Variants in MEGF11 observed in about 807,000 individuals in gnomAD.
The protein encoded by MEGF11 is multiple epidermal growth factor-like domains protein 11.
In MEGF11, 126 loss-of-function variants were observed where a neutral mutation model predicts 146.6. That is an observed-to-expected ratio of 0.86 (90% confidence interval 0.74 to 1.00). MEGF11 has a LOEUF of 1.00. MEGF11 is among the 50% of genes least tolerant of loss of function. The pLI is 0.00. For missense variants in MEGF11, 1,509 were observed against 1,521.2 expected, an observed-to-expected ratio of 0.99 and a Z score of 0.13; for synonymous variants, 532 against 583.4, an observed-to-expected ratio of 0.91 and a Z score of 1.27.
intron 5 of MEGF11, among the ~76,000 whole-genome samples, chr15:66,086,409 C>CAG (rs1428428058): frequency 1.3e-5 from 2 of 152,168 alleles, no homozygotes; most frequent in Non-Finnish European, 2.9e-5. Flanking sequence ...GGCTGTGAGA[C>CAG]AGAAGCACCA....
At chr15:66,034,220 A>G (rs1410939553) in intron 5 of MEGF11, among the ~76,000 whole-genome samples, 1 of 152,132 alleles carries the variant, frequency 6.6e-6, no homozygotes, top group African/African-American at 2.4e-5. Context: ...AGCTGGAGGG[A>G]ATTTACCTCA....
At chr15:65,974,298 G>T (rs2081384157) in intron 7 of MEGF11, among the ~76,000 whole-genome samples, 1 of 152,060 alleles carries the variant, frequency 6.6e-6, no homozygotes. Flanking sequence ...GGAGGGGAGG[G>T]AGGAGTGAAG....
At chr15:66,235,192 C>T (rs1531497) in intron 1 of MEGF11, among the ~76,000 whole-genome samples, 142,958 of 152,278 alleles carry the variant, frequency 0.94, 67,411 homozygotes, top group Non-Finnish European at 0.98. Context: ...ATTAGGGAGC[C>T]GATTAAAGCA....
intron 5 of MEGF11, among the ~76,000 whole-genome samples, chr15:66,025,806 G>T (rs2083310359): frequency 6.6e-6 from 1 of 152,164 alleles, no homozygotes; most frequent in Non-Finnish European, 1.5e-5. Flanking sequence ...CCCAGGACCT[G>T]CTTCCCAAGC....
At chr15:66,145,679 AC>A (rs996283004) in intron 1 of MEGF11, among the ~76,000 whole-genome samples, 1 of 152,168 alleles carries the variant, frequency 6.6e-6, no homozygotes, top group African/African-American at 2.4e-5. Flanking sequence ...GAGCACACAC[AC>A]TTTGCTGGGT....
At chr15:65,926,400 A>G (rs1480633541) in intron 13 of MEGF11, among the ~76,000 whole-genome samples, 1 of 152,236 alleles carries the variant, frequency 6.6e-6, no homozygotes, top group Non-Finnish European at 1.5e-5. Context: ...TATTTCAGTA[A>G]ACATTTAATA....
intron 23 of MEGF11, among the ~76,000 whole-genome samples, chr15:65,908,095 C>T (rs2078684956): frequency 6.6e-6 from 1 of 152,118 alleles, no homozygotes; most frequent in Non-Finnish European, 1.5e-5. Flanking sequence ...TAGATACTGT[C>T]CAGGGGACCC....
chr15:65,955,210 A>G (rs552057336), intron 10 of MEGF11, among the ~76,000 whole-genome samples: 7 of 152,118 alleles, frequency 4.6e-5, no homozygotes, highest in Non-Finnish European at 8.8e-5. Context: ...ATCCCAAACA[A>G]TTATTCTCTC....
intron 20 of MEGF11, chr15:65,912,406 CTGCAGCA>C (rs1367056301): frequency 2.8e-6 from 1 of 362,102 alleles, no homozygotes; most frequent in Non-Finnish European, 4.9e-6. Context: ...CTGGTCCTCC[CTGCAGCA>C]TGCAGAATGC....
chr15:66,111,221 C>T (rs2087384274), intron 4 of MEGF11, among the ~76,000 whole-genome samples: 1 of 152,152 alleles, frequency 6.6e-6, no homozygotes, highest in Admixed American at 6.5e-5. Flanking sequence ...GCTAAACCAC[C>T]AGACATTACA....
chr15:66,189,339 G>A (rs2090808063), intron 1 of MEGF11, among the ~76,000 whole-genome samples: 1 of 152,064 alleles, frequency 6.6e-6, no homozygotes, highest in Non-Finnish European at 1.5e-5. Context: ...GCGGGAAGGG[G>A]ACATGTAATA....
chr15:65,922,394 T>C lies in MEGF11; in HGVS notation c.1901A>G (p.His634Arg), dbSNP rs767811938. The change falls in exon 15 of 26, where the codon CAC becomes CGC. Residue 634 changes from histidine (H) to arginine (R), a missense_variant. Transcript: ENST00000395614. ...GAGGCACTCACAGATGCCGCTGATG[T>C]GGTGGCAGGGCCTGCTGCTGTGCAC... Reference protein sequence around the residue: ...LCVHSSRPCHHISGICECLPG... With the variant: ...LCVHSSRPCHRISGICECLPG... 6.2e-7 allele frequency: 1 copy of C among 1,600,224 alleles called. No homozygotes were observed. Among genetic ancestry groups the C allele is most frequent in the Non-Finnish European group, 8.5e-7 (1 of 1,173,770 alleles).
At chr15:66,096,660 G>A (rs2086567949) in intron 4 of MEGF11, among the ~76,000 whole-genome samples, 1 of 152,334 alleles carries the variant, frequency 6.6e-6, no homozygotes, top group South Asian at 2.1e-4. Flanking sequence ...GACAGAGGGT[G>A]GAGGAGCTGC....
intron 1 of MEGF11, among the ~76,000 whole-genome samples, chr15:66,197,233 T>G (rs1036082515): frequency 6.6e-5 from 10 of 152,236 alleles, no homozygotes; most frequent in Non-Finnish European, 1.5e-4. Context: ...TGATTACTTA[T>G]GTCCTTGAAA....
intron 10 of MEGF11, among the ~76,000 whole-genome samples, chr15:65,949,133 G>T (rs2080301169): frequency 1.3e-5 from 2 of 152,174 alleles, no homozygotes; most frequent in South Asian, 4.1e-4. Flanking sequence ...TTTTCAGTCT[G>T]CATTCTCTAC....
intron 10 of MEGF11, among the ~76,000 whole-genome samples, chr15:65,943,473 C>T (rs2141388766): frequency 6.6e-6 from 1 of 152,068 alleles, no homozygotes; most frequent in Middle Eastern, 3.4e-3. Context: ...TGTATGTGTG[C>T]TAGCGGTGGT....
intron 5 of MEGF11, among the ~76,000 whole-genome samples, chr15:66,085,533 A>G (rs1386095333): frequency 6.6e-6 from 1 of 152,234 alleles, no homozygotes; most frequent in Non-Finnish European, 1.5e-5. Context: ...ACCAACCCGG[A>G]GCTGGGTAGA....
At chr15:66,233,882 T>C (rs2092026671) in intron 1 of MEGF11, among the ~76,000 whole-genome samples, 1 of 151,912 alleles carries the variant, frequency 6.6e-6, no homozygotes, top group African/African-American at 2.4e-5. Context: ...TAAAAAGAGA[T>C]GTCCATTAAG....
chr15:66,101,864 G>A (rs1412825167), intron 4 of MEGF11, among the ~76,000 whole-genome samples: 1 of 152,166 alleles, frequency 6.6e-6, no homozygotes, highest in Non-Finnish European at 1.5e-5. Flanking sequence ...TCAAAGCCTA[G>A]GCTCTGGCCT....
Sources: gnomAD v4.1 joint callset for allele counts (sites outside exome capture counted in the v4.1 genomes callset) on GRCh38, gnomAD v4.1.1 for gene constraint, MANE v1.5 for transcripts, NCBI Gene and HGNC (gene_info 2026-07-23, HGNC 2026-07-21) for gene names.